Variants in ANKRD44 observed in about 807,000 individuals in gnomAD.
ANKRD44 encodes ankyrin repeat domain 44.
ANKRD44 carries 35 observed loss-of-function variants against 116.0 expected under a neutral mutation model. That is an observed-to-expected ratio of 0.30 (90% confidence interval 0.23 to 0.40). ANKRD44 has a LOEUF of 0.40. ANKRD44 is among the 10% of genes least tolerant of loss of function. The probability of loss-of-function intolerance (pLI) is 1.00; values close to 1 mark genes in which losing one functional copy is unlikely to be tolerated. For synonymous variants in ANKRD44, 435 were observed against 461.8 expected (o/e 0.94, Z 0.74); for missense variants, 1,014 against 1,242.6 (o/e 0.82, Z 2.77).
rs377248946 is a variant in ANKRD44 at position 197,225,653 on chromosome 2, T to C, written c.28-38547A>G. ...GCCACCACGCCTGGCCAATCTGCAC[T>C]GCATTACATTTAAACATAAATCAGG... On this transcript the variant is annotated intron_variant, in intron 1 of 27. Transcript: ENST00000282272. Among the ~76,000 whole-genome samples, 22 of 152,340 alleles carry C rather than the reference T, an allele frequency of 1.4e-4. No individual in the cohort carries two copies. In the South Asian group the frequency reaches 3.5e-3, roughly 24 times the overall value.
intron 1 of ANKRD44, among the ~76,000 whole-genome samples, chr2:197,283,126 A>T (rs1484075236): frequency 2.0e-5 from 3 of 152,174 alleles, no homozygotes; most frequent in Non-Finnish European, 4.4e-5. Flanking sequence ...ATTCTCACTG[A>T]CCCACAGGAT....
intron 2 of ANKRD44, among the ~76,000 whole-genome samples, chr2:197,161,031 CAA>C (rs527732509): frequency 4.6e-5 from 7 of 151,288 alleles, no homozygotes; most frequent in Non-Finnish European, 1.5e-5. Flanking sequence ...TCTGTATCAA[CAA>C]AAAAAAGGAA....
At chr2:197,077,845 A>G (rs549097908) in intron 16 of ANKRD44, 1 of 152,184 alleles carries the variant, frequency 6.6e-6, no homozygotes. Flanking sequence ...ACAAATAGTC[A>G]TCTCTTTGTA....
intron 8 of ANKRD44, among the ~76,000 whole-genome samples, chr2:197,112,194 C>T (rs1202509824): frequency 6.6e-6 from 1 of 152,080 alleles, no homozygotes; most frequent in Non-Finnish European, 1.5e-5. Context: ...CTATGTAACA[C>T]TTATTTTTAT....
rs559646684 is a variant in ANKRD44 at position 197,091,196 on chromosome 2, G to A, written c.1101-1164C>T. ...ATGCCCTCAGGGGGCTTTGGGAGTT[G>A]CAGGCACCCCCGCCTGGATGCTGCT... On this transcript the variant is annotated intron_variant, in intron 10 of 27. Coordinates refer to ENST00000282272, the MANE Select transcript of ANKRD44 (RefSeq NM_001195144.2). 4.6e-5 allele frequency among the ~76,000 whole-genome samples: 7 copies of A among 152,338 alleles called. No individual in the cohort carries two copies. In the South Asian group the frequency reaches 1.4e-3, roughly 32 times the overall value.
At chr2:197,008,808 T>G in intron 19 of ANKRD44, 136 bp downstream of exon 19, 1 of 708,094 alleles carries the variant, frequency 1.4e-6, no homozygotes. Context: ...AGCCACCTCA[T>G]TGTGTATTGG....
At chr2:197,023,988 CAG>C (rs1387228422) in intron 17 of ANKRD44, among the ~76,000 whole-genome samples, 2 of 152,106 alleles carry the variant, frequency 1.3e-5, no homozygotes, top group African/African-American at 4.8e-5. Flanking sequence ...TGGTGGGTGT[CAG>C]AGGACGTGTG....
rs143942630 is a variant in ANKRD44 at position 197,104,781 on chromosome 2, T to C, written c.986-4851A>G. 3.5e-3 allele frequency among the ~76,000 whole-genome samples: 531 copies of C among 152,320 alleles called. 7 individuals are homozygous for C. The highest frequency in any genetic ancestry group is 3.0e-3 in the Non-Finnish European group (205 of 68,032). Reference sequence around the variant, plus strand: ...ACTGGCAAAACGCAGGGCTAGAGTATAAAAATATTTGCTACAAAGTGAAAT... The same window carrying C: ...ACTGGCAAAACGCAGGGCTAGAGTACAAAAATATTTGCTACAAAGTGAAAT... On this transcript the variant is annotated intron_variant, in intron 9 of 27. Transcript: ENST00000282272.
At position 197,118,637 on chromosome 2, in the gene ANKRD44, G is replaced by GAGAGAGAGAAAGAAAGAAAGAA. The variant is rs773839262; in HGVS notation, c.906+2694_906+2695insTTCTTTCTTTCTTTCTCTCTCT. On this transcript the variant is annotated intron_variant, in intron 8 of 27. Coordinates refer to ENST00000282272, the MANE Select transcript of ANKRD44 (RefSeq NM_001195144.2). Reference sequence around the variant, plus strand: ...AGAAAGAGAGAGAGAGAGAGAGAGAGAGAAAGAAAGAAAGAAAGAAAGAAA... The same window carrying GAGAGAGAGAAAGAAAGAAAGAA: ...AGAAAGAGAGAGAGAGAGAGAGAGAGAGAGAGAGAAAGAAAGAAAGAAAGAAAGAAAGAAAGAAAGAAAGAAA... 2.1e-4 allele frequency among the ~76,000 whole-genome samples: 24 copies of GAGAGAGAGAAAGAAAGAAAGAA among 112,436 alleles called. No homozygotes were observed. In the South Asian group the frequency reaches 2.7e-3, roughly 13 times the overall value. 73.8% of individuals were successfully genotyped at this position (112,436 alleles called of 152,430 possible). A position where few individuals can be genotyped will look rare whatever the true frequency, so the allele number is the denominator to read the frequency against.
chr2:197,081,051 C>T (rs968437327), intron 15 of ANKRD44, among the ~76,000 whole-genome samples: 1 of 152,178 alleles, frequency 6.6e-6, no homozygotes, highest in Non-Finnish European at 1.5e-5. Flanking sequence ...GGTTCCCGTG[C>T]ATCTACAGCC....
chr2:197,129,593 G>C (rs1223832960), intron 4 of ANKRD44, among the ~76,000 whole-genome samples: 1 of 152,222 alleles, frequency 6.6e-6, no homozygotes, highest in East Asian at 1.9e-4. Flanking sequence ...ATAATAGAAA[G>C]GAGGAGCTGT....
intron 8 of ANKRD44, among the ~76,000 whole-genome samples, chr2:197,112,145 G>A (rs942129475): frequency 6.6e-6 from 1 of 152,060 alleles, no homozygotes; most frequent in Non-Finnish European, 1.5e-5. Flanking sequence ...CCCCAATAGA[G>A]AGAATGTATT....
At chr2:197,068,386 A>G (rs1379353950) in intron 16 of ANKRD44, among the ~76,000 whole-genome samples, 1 of 43,578 alleles carries the variant, frequency 2.3e-5, no homozygotes, top group Non-Finnish European at 1.1e-4. Context: ...AAAGAAAAAA[A>G]TAAAAAAAAA....
At chr2:197,213,690 G>A (rs532950049) in intron 1 of ANKRD44, among the ~76,000 whole-genome samples, 1 of 152,304 alleles carries the variant, frequency 6.6e-6, no homozygotes, top group East Asian at 1.9e-4. Context: ...CCTGTACACT[G>A]CTAAGCTCCT....
intron 21 of ANKRD44, among the ~76,000 whole-genome samples, chr2:197,002,605 G>C (rs1416919618): frequency 6.6e-6 from 1 of 152,158 alleles, no homozygotes; most frequent in Non-Finnish European, 1.5e-5. Flanking sequence ...ACTCAATAAA[G>C]GGCCTCAGTG....
intron 1 of ANKRD44, among the ~76,000 whole-genome samples, chr2:197,283,905 T>C (rs12616329): frequency 0.54 from 82,153 of 151,936 alleles, 23,266 homozygotes; most frequent in East Asian, 0.69. Context: ...TAACACTGCA[T>C]TATTTTAAAG....
At chr2:197,169,334 A>G (rs2080171577) in intron 2 of ANKRD44, among the ~76,000 whole-genome samples, 1 of 152,070 alleles carries the variant, frequency 6.6e-6, no homozygotes, top group Non-Finnish European at 1.5e-5. Flanking sequence ...GGCTTTCTTC[A>G]TAGCAGTCTT....
intron 3 of ANKRD44, among the ~76,000 whole-genome samples, chr2:197,144,710 T>G (rs1046606061): frequency 3.9e-5 from 6 of 152,196 alleles, no homozygotes; most frequent in African/African-American, 1.4e-4. Flanking sequence ...TTAAAATATA[T>G]GCAACAGCTT....
intron 8 of ANKRD44, among the ~76,000 whole-genome samples, chr2:197,117,638 G>T (rs1047942003): frequency 1.3e-5 from 2 of 151,838 alleles, no homozygotes; most frequent in Non-Finnish European, 2.9e-5. Flanking sequence ...CCAAAGTGCT[G>T]GATTACAGGC....
Sources: gnomAD v4.1 joint callset for allele counts (sites outside exome capture counted in the v4.1 genomes callset) on GRCh38, gnomAD v4.1.1 for gene constraint, MANE v1.5 for transcripts, NCBI Gene and HGNC (gene_info 2026-07-23, HGNC 2026-07-21) for gene names.